ACAP2: variants seen among roughly 807,000 people sequenced by gnomAD.
ACAP2 encodes ArfGAP with coiled-coil, ankyrin repeat and PH domains 2.
In ACAP2, 39 loss-of-function variants were observed where a neutral mutation model predicts 115.8. The ratio of observed to expected loss-of-function variants is 0.34; its 90% CI spans 0.26 to 0.44. The LOEUF (loss-of-function observed/expected upper bound fraction) is 0.44, where lower values mean the gene tolerates loss of function less well. Among genes scored for constraint, ACAP2 ranks in the 20% least tolerant of loss-of-function variants. The probability of loss-of-function intolerance (pLI) is 1.00; values close to 1 mark genes in which losing one functional copy is unlikely to be tolerated. For synonymous variants in ACAP2, 289 were observed against 315.8 expected (o/e 0.92, Z 0.90); for missense variants, 662 against 927.6 (o/e 0.71, Z 3.72).
Position 195,443,005 on chromosome 3 carries a change from G to A in ACAP2, c.-158C>T, listed in dbSNP as rs1047321244. On this transcript the variant is annotated 5_prime_UTR_variant, in exon 1 of 23. Coordinates refer to ENST00000326793, the MANE Select transcript of ACAP2 (RefSeq NM_012287.6). ...CGCTGGTCATAGCAGCCGCGAAGAC[G>A]GCGACGACTAGTCAGGCCCCAGTCC... is the stretch of plus-strand genomic sequence containing the variant. The A allele has an allele frequency of 8.7e-6, 5 of 576,614 alleles. No individual in the cohort carries two copies. Among genetic ancestry groups the A allele is most frequent in the East Asian group, 3.5e-5 (1 of 28,956 alleles). The allele number at this position is 576,614 out of a possible 1,614,324, so 35.7% of individuals were successfully genotyped here.
At chr3:195,289,803 CAAAAA>C (rs35498756) in intron 20 of ACAP2, among the ~76,000 whole-genome samples, 2 of 111,992 alleles carry the variant, frequency 1.8e-5, no homozygotes, top group African/African-American at 3.6e-5. Context: ...GACTCCGTCT[CAAAAA>C]AAAAAAAAAA....
chr3:195,399,976 C>G (rs112067630), intron 1 of ACAP2, among the ~76,000 whole-genome samples: 1 of 151,594 alleles, frequency 6.6e-6, no homozygotes, highest in African/African-American at 2.4e-5. Flanking sequence ...GTTGGGAGTT[C>G]GAGAGCAGCC....
chr3:195,320,798 C>A lies in ACAP2; in HGVS notation c.760G>T (p.Asp254Tyr). ...TCTACGTTATATTCTAACTTAGAAT[C>A]ATCACTGGAGAAATCCTACACAAAA... ...TIQQKDFSSD[D>Y]SKLEYNVDAA... The change falls in exon 10 of 23, where the codon GAT becomes TAT. Residue 254 changes from aspartate to tyrosine, a missense_variant. Around this residue, in one of 3 missense-constraint regions of ACAP2, gnomAD observed 401 missense variants for 604.4 expected, o/e 0.66. Transcript: ENST00000326793. 1.2e-6 allele frequency: 2 copies of A among 1,611,894 alleles called. No individual in the cohort carries two copies. The highest frequency in any genetic ancestry group is 1.7e-6 in the Non-Finnish European group (2 of 1,178,310).
intron 20 of ACAP2, among the ~76,000 whole-genome samples, chr3:195,290,797 A>G (rs1409395496): frequency 2.0e-5 from 3 of 151,566 alleles, no homozygotes; most frequent in Non-Finnish European, 4.4e-5. Flanking sequence ...TGGGTGACAG[A>G]GCAAGACTTT....
chr3:195,320,070 ACT>A (rs1421930321), intron 10 of ACAP2, among the ~76,000 whole-genome samples: 1 of 151,692 alleles, frequency 6.6e-6, no homozygotes, highest in South Asian at 2.1e-4. Flanking sequence ...TCCCCTGAGC[ACT>A]CTCTCTCTGC....
chr3:195,360,419 T>C (rs1732272387), intron 4 of ACAP2, among the ~76,000 whole-genome samples: 1 of 152,108 alleles, frequency 6.6e-6, no homozygotes, highest in Non-Finnish European at 1.5e-5. Context: ...CCCAATATAA[T>C]AACAGCTGGA....
Position 195,276,133 on chromosome 3 carries a change from C to T in ACAP2, c.*3195G>A. 1 of 152,628 alleles carries T rather than the reference C, an allele frequency of 6.6e-6. No individual in the cohort carries two copies. The highest frequency in any genetic ancestry group is 6.5e-5 in the Admixed American group (1 of 15,276). The allele number at this position is 152,628 out of a possible 1,614,324, so 9.5% of individuals were successfully genotyped here. On this transcript the variant is annotated 3_prime_UTR_variant, in exon 23 of 23. Transcript: ENST00000326793. ...ATTTACTGCGACCATACTTAACATGCATAAAATATTTTTAAAATACAAACT... is the reference window on the plus strand; with the variant it reads ...ATTTACTGCGACCATACTTAACATGTATAAAATATTTTTAAAATACAAACT...
chr3:195,387,066 C>A (rs1185275209), intron 2 of ACAP2, among the ~76,000 whole-genome samples: 2 of 152,052 alleles, frequency 1.3e-5, no homozygotes. Context: ...ACAGCAGAAC[C>A]ACATATACGC....
chr3:195,310,441 G>A (rs962159955), intron 10 of ACAP2, among the ~76,000 whole-genome samples: 11 of 152,208 alleles, frequency 7.2e-5, no homozygotes, highest in Admixed American at 2.0e-4. Flanking sequence ...GTGCAACCCT[G>A]CCACATGGGA....
chr3:195,434,798 TTTC>T (rs1338307467), intron 1 of ACAP2, among the ~76,000 whole-genome samples: 1 of 152,254 alleles, frequency 6.6e-6, no homozygotes, highest in Non-Finnish European at 1.5e-5. Flanking sequence ...AGATTTTCTG[TTTC>T]TTCTTGAGTC....
At chr3:195,311,242 A>ATG in intron 10 of ACAP2, among the ~76,000 whole-genome samples, 1 of 151,948 alleles carries the variant, frequency 6.6e-6, no homozygotes, top group East Asian at 1.9e-4. Flanking sequence ...GGTTACAGAC[A>ATG]CACGCCACCA....
chr3:195,442,419 AG>A, intron 1 of ACAP2: 1 of 319,852 alleles, frequency 3.1e-6, no homozygotes, highest in Non-Finnish European at 5.8e-6. Flanking sequence ...GGCGGAAGGA[AG>A]GGGGAAGGAA....
At chr3:195,325,124 T>C (rs993778283) in intron 9 of ACAP2, among the ~76,000 whole-genome samples, 1 of 152,162 alleles carries the variant, frequency 6.6e-6, no homozygotes, top group African/African-American at 2.4e-5. Context: ...CATAATATAA[T>C]GAGCTGGCAA....
intron 6 of ACAP2, among the ~76,000 whole-genome samples, chr3:195,340,482 C>A (rs1359365570): frequency 4.0e-5 from 6 of 151,572 alleles, no homozygotes; most frequent in African/African-American, 1.5e-4. Context: ...TGACAGAAAA[C>A]AATAAAGTAA....
chr3:195,327,059 TC>T, intron 8 of ACAP2, 100 bp from the exon 9 acceptor site: 1 of 1,117,914 alleles, frequency 8.9e-7, no homozygotes, highest in Non-Finnish European at 1.3e-6. Flanking sequence ...AAAAAATCAC[TC>T]AATTTAAGCT....
rs142861926 is a variant in ACAP2 at position 195,369,667 on chromosome 3, A to G, written c.285+11342T>C. ...TTTATCCAATCTGTCATTAATGGGC[A>G]TTTAGGTTGAATCTATGTTTTTGCT... On this transcript the variant is annotated intron_variant, in intron 4 of 22. Coordinates refer to ENST00000326793, the MANE Select transcript of ACAP2 (RefSeq NM_012287.6). Among the ~76,000 whole-genome samples, 925 of 152,310 alleles carry G rather than the reference A, an allele frequency of 6.1e-3. 9 individuals carry two copies. Among genetic ancestry groups the G allele is most frequent in the African/African-American group, 0.021 (882 of 41,568 alleles).
At chr3:195,425,557 G>A (rs1714621522) in intron 1 of ACAP2, among the ~76,000 whole-genome samples, 1 of 152,142 alleles carries the variant, frequency 6.6e-6, no homozygotes, top group African/African-American at 2.4e-5. Context: ...AGTGAATATA[G>A]GATGGGATCA....
chr3:195,295,119 T>TA (rs1241489837), intron 17 of ACAP2: 5 of 748,090 alleles, frequency 6.7e-6, no homozygotes, highest in Non-Finnish European at 9.7e-6. Flanking sequence ...AGACAATGGG[T>TA]AACATCTAGA....
intron 4 of ACAP2, among the ~76,000 whole-genome samples, chr3:195,355,364 T>C (rs1731892230): frequency 6.6e-6 from 1 of 151,072 alleles, no homozygotes; most frequent in Non-Finnish European, 1.5e-5. Context: ...ATTAAACTGC[T>C]ACACAGAAAT....
Sources: allele counts gnomAD v4.1 joint callset (sites outside exome capture counted in the v4.1 genomes callset), GRCh38; gene constraint gnomAD v4.1.1; regional missense constraint gnomAD v4.1.1; transcripts MANE v1.5; gene names NCBI Gene and HGNC (gene_info 2026-07-23, HGNC 2026-07-21).